The following FBXO27 variants were observed in gnomAD, a reference collection of about 807,000 sequenced individuals.
The protein encoded by FBXO27 is F-box protein 27.
FBXO27 carries 28 observed loss-of-function variants against 28.3 expected under a neutral mutation model. That is an observed-to-expected ratio of 0.99 (90% CI 0.73 to 1.36). The LOEUF is 1.36. Among genes scored for constraint, FBXO27 ranks in the 40% most tolerant of loss-of-function variants. The pLI is 0.00. For synonymous variants in FBXO27, 175 were observed against 167.3 expected, an observed-to-expected ratio of 1.05 and a Z score of -0.36; for missense variants, 388 against 394.1, an observed-to-expected ratio of 0.98 and a Z score of 0.13.
At chr19:39,031,804 G>C in intron 2 of FBXO27, 60 bp downstream of exon 2, 2 of 1,410,310 alleles carry the variant, frequency 1.4e-6, no homozygotes, top group Non-Finnish European at 1.8e-6. Context: ...CCGCCCCTCC[G>C]GCCCCGCTAC....
chr19:39,028,347 G>A (rs537732981), intron 4 of FBXO27, among the ~76,000 whole-genome samples: 18 of 152,256 alleles, frequency 1.2e-4, no homozygotes, highest in Non-Finnish European at 2.2e-4. Flanking sequence ...TATGAGGTGC[G>A]GCAAAATTTG....
At chr19:39,008,414 G>A (rs1227367930) in intron 2 of FBXO27, among the ~76,000 whole-genome samples, 1 of 152,042 alleles carries the variant, frequency 6.6e-6, no homozygotes, top group Non-Finnish European at 1.5e-5. Context: ...TAATGTAACC[G>A]GCTCTGTTTT....
Position 39,031,778 on chromosome 19 carries a change from C to T in FBXO27, c.364+86G>A, listed in dbSNP as rs1034721773. 8 of 1,387,144 alleles carry T rather than the reference C, an allele frequency of 5.8e-6. No individual in the cohort carries two copies. In the South Asian group the frequency reaches 1.3e-4, roughly 23 times the overall value. 85.9% of individuals were successfully genotyped at this position (1,387,144 alleles called of 1,614,324 possible). On this transcript the variant is annotated intron_variant, in intron 2 of 5. Coordinates refer to ENST00000292853, the MANE Select transcript of FBXO27 (RefSeq NM_178820.5). ...GCCCTGCCCCTGCGGCCCCTAGTACCGGTCCCAGTGCGGCCCCGCCCCTCC... is the reference window on the plus strand; with the variant it reads ...GCCCTGCCCCTGCGGCCCCTAGTACTGGTCCCAGTGCGGCCCCGCCCCTCC...
Position 39,032,480 on chromosome 19 carries a change from C to CGTG in FBXO27, c.-27+22_-27+23insCAC, listed in dbSNP as rs1196325768. On this transcript the variant is annotated intron_variant, in intron 1 of 5. Transcript: ENST00000292853. This position sits in a 1 kb window ranked among gnomAD's most constrained non-coding sequence, Gnocchi z 4.7. ...AATCAGCCCCCCTCGGCGGCCGCAC[C>CGTG]GACACCGCACCCCAAGTCCTACCCC... 2.1e-6 allele frequency: 1 copy of CGTG among 470,038 alleles called. No individual in the cohort carries two copies. Among genetic ancestry groups the CGTG allele is most frequent in the East Asian group, 4.1e-5 (1 of 24,324 alleles). The allele number at this position is 470,038 out of a possible 1,614,324, so 29.1% of individuals were successfully genotyped here.
At chr19:39,007,822 T>C (rs1254493567) in intron 2 of FBXO27, among the ~76,000 whole-genome samples, 6 of 152,124 alleles carry the variant, frequency 3.9e-5, no homozygotes, top group Non-Finnish European at 1.5e-5. Flanking sequence ...TTTGCATTTT[T>C]TGTAGAGATG....
chr19:39,029,067 C>G (rs1264652251), intron 4 of FBXO27, among the ~76,000 whole-genome samples: 1 of 139,040 alleles, frequency 7.2e-6, no homozygotes, highest in Non-Finnish European at 1.5e-5. Context: ...AAAAAAAAAT[C>G]TTATTGGAGA....
intron 4 of FBXO27, among the ~76,000 whole-genome samples, chr19:39,029,417 ACT>A (rs1255156835): frequency 3.6e-5 from 4 of 110,994 alleles, no homozygotes; most frequent in Admixed American, 1.2e-4. Context: ...ACCTAGTGAG[ACT>A]CTGTCTCAAA....
chr19:39,031,717 C>A (rs1009462374), intron 2 of FBXO27, 147 bp downstream of exon 2: 2 of 1,333,818 alleles, frequency 1.5e-6, no homozygotes, highest in African/African-American at 3.0e-5. Context: ...CCAATGCTGC[C>A]CCGCCTCTCC....
chr19:39,032,205 C>G lies in FBXO27; in HGVS notation c.23G>C (p.Gly8Ala). Residue 8 changes from glycine to alanine, a missense_variant, in exon 2 of 6, where the codon GGC (glycine) becomes GCC (alanine). Physicochemically the swap from Gly to Ala is moderately conservative, Grantham distance 60. Transcript: ENST00000292853. The surrounding 1 kb of genome is among the most constrained non-coding windows in gnomAD (Gnocchi z 4.7). ...CGGCGCGGGGACCCGGGCGGCCCGGCCCCTGGAGACCGAGGCGCCCATGGT... is the reference window on the plus strand; with the variant it reads ...CGGCGCGGGGACCCGGGCGGCCCGGGCCCTGGAGACCGAGGCGCCCATGGT... Reference protein sequence around the residue: MGASVSRGRAARVPAPEP... With the variant: MGASVSRARAARVPAPEP... 2 of 1,461,486 alleles carry G rather than the reference C, an allele frequency of 1.4e-6. No individual in the cohort carries two copies. Among genetic ancestry groups the G allele is most frequent in the African/African-American group, 1.5e-5 (1 of 66,960 alleles). The allele number at this position is 1,461,486 out of a possible 1,614,324, so 90.5% of individuals were successfully genotyped here. A position where few individuals can be genotyped will look rare whatever the true frequency, so the allele number is the denominator to read the frequency against.
Position 39,026,788 on chromosome 19 carries a change from T to G in FBXO27, c.708+82A>C. 5.7e-6 allele frequency: 9 copies of G among 1,586,968 alleles called. No homozygotes were observed. In the South Asian group the frequency reaches 1.0e-4, roughly 18 times the overall value. On this transcript the variant is annotated intron_variant, in intron 5 of 5. Transcript: ENST00000292853. ...CACCCAGCCAGACTGTCACTGATTT[T>G]AAGCCACTAAGTTTTGGGGTGATTT...
intron 2 of FBXO27, among the ~76,000 whole-genome samples, chr19:39,013,094 C>T (rs528430782): frequency 3.3e-5 from 5 of 152,266 alleles, no homozygotes; most frequent in Admixed American, 6.5e-5. Context: ...TTCTGGGGAC[C>T]GCTGCATCAG....
At position 39,025,099 on chromosome 19, in the gene FBXO27, G is replaced by A; in HGVS notation, c.*312C>T. The A allele has an allele frequency of 3.4e-6, 1 of 297,732 alleles. No homozygotes were observed. Among genetic ancestry groups the A allele is most frequent in the Non-Finnish European group, 6.3e-6 (1 of 158,864 alleles). 18.4% of individuals were successfully genotyped at this position (297,732 alleles called of 1,614,324 possible). ...TGGATCGGAGGGTTTTGGTTGGGAG[G>A]AGAAGAGAGGGGAGGGCAAGAATTC... On this transcript the variant is annotated 3_prime_UTR_variant, in exon 6 of 6. Coordinates refer to ENST00000292853, the MANE Select transcript of FBXO27 (RefSeq NM_178820.5).
intron 1 of FBXO27, among the ~76,000 whole-genome samples, chr19:39,017,296 G>A (rs1474042626): frequency 6.6e-6 from 1 of 151,998 alleles, no homozygotes; most frequent in African/African-American, 2.4e-5. Context: ...AAAAAGCAAG[G>A]GATTTGTTTT....
downstream of FBXO27, among the ~76,000 whole-genome samples, chr19:39,023,162 C>T (rs1432294908): frequency 6.6e-6 from 1 of 152,110 alleles, no homozygotes; most frequent in Non-Finnish European, 1.5e-5. Flanking sequence ...TGGTCTCGAA[C>T]TGACCTCAAG....
rs200862358 is a variant in FBXO27, at chr19:39,031,085, C to T, written c.516G>A (p.Glu172=). 1 of 1,614,164 alleles carries T rather than the reference C, an allele frequency of 6.2e-7. No individual in the cohort carries two copies. Among genetic ancestry groups the T allele is most frequent in the East Asian group, 2.2e-5 (1 of 44,882 alleles). The change falls in exon 4 of 6, where the codon GAG becomes GAA. Residue 172 remains glutamate, a synonymous_variant. Transcript: ENST00000292853. The part of the protein sequence containing the change: ...CKKQVLDLEE[E]GLWPELLDSG... Reference sequence around the variant, plus strand: ...TATCCAGCAGTTCTGGCCACAGACCCTCCTCCTCTAGGTCCAAGACCTGCT... The same window carrying T: ...TATCCAGCAGTTCTGGCCACAGACCTTCCTCCTCTAGGTCCAAGACCTGCT...
At chr19:39,016,711 G>C (rs2072822077) in intron 1 of FBXO27, among the ~76,000 whole-genome samples, 1 of 151,682 alleles carries the variant, frequency 6.6e-6, no homozygotes, top group South Asian at 2.1e-4. Context: ...CTTGAGTCTA[G>C]GAGGTCAAGG....
Position 39,030,170 on chromosome 19 carries a change from T to C in FBXO27, c.572+859A>G, listed in dbSNP as rs536356228. Among the ~76,000 whole-genome samples, 10 of 152,256 alleles carry C rather than the reference T, an allele frequency of 6.6e-5. No homozygotes were observed. In the East Asian group the frequency reaches 1.2e-3, roughly 18 times the overall value. ...CATCTCCCCTTTCCCAACCTCTCAATTTCCTGAGAAGCTCTGAATGATCTG... is the reference window on the plus strand; with the variant it reads ...CATCTCCCCTTTCCCAACCTCTCAACTTCCTGAGAAGCTCTGAATGATCTG... On this transcript the variant is annotated intron_variant, in intron 4 of 5. Coordinates refer to ENST00000292853, the MANE Select transcript of FBXO27 (RefSeq NM_178820.5).
At chr19:39,011,290 G>A (rs1209910840) in intron 2 of FBXO27, among the ~76,000 whole-genome samples, 1 of 152,074 alleles carries the variant, frequency 6.6e-6, no homozygotes, top group East Asian at 1.9e-4. Flanking sequence ...ACATTAGCCG[G>A]GCGTGGTGTC....
At chr19:39,022,764 C>T (rs2072851642), downstream of FBXO27, among the ~76,000 whole-genome samples, 7 of 152,020 alleles carry the variant, frequency 4.6e-5, no homozygotes, top group Admixed American at 4.6e-4. Context: ...TTACAGGCAC[C>T]TGCTGCCACG....
Sources: gnomAD v4.1 joint callset for allele counts (sites outside exome capture counted in the v4.1 genomes callset) on GRCh38, gnomAD v4.1.1 for gene constraint, Gnocchi (gnomAD v3.1) non-coding constraint, MANE v1.5 for transcripts, NCBI Gene and HGNC (gene_info 2026-07-23, HGNC 2026-07-21) for gene names.